TMEM196: variants seen among roughly 807,000 people sequenced by gnomAD.
TMEM196 encodes the protein transmembrane protein 196.
In TMEM196, 17 loss-of-function variants were observed where a neutral mutation model predicts 20.0. The observed-to-expected ratio is 0.85, with a 90% CI of 0.58 to 1.27. TMEM196 has a LOEUF of 1.27. TMEM196 is among the 50% of genes most tolerant of loss of function. The probability of loss-of-function intolerance (pLI) is 0.00; values close to 1 mark genes in which losing one functional copy is unlikely to be tolerated. For missense variants in TMEM196, 267 were observed against 223.0 expected, an observed-to-expected ratio of 1.20 and a Z score of -1.26; for synonymous variants, 113 against 88.9, an observed-to-expected ratio of 1.27 and a Z score of -1.52.
intron 1 of TMEM196, among the ~76,000 whole-genome samples, chr7:19,737,128 A>G (rs191532551): frequency 1.3e-5 from 2 of 152,172 alleles, no homozygotes; most frequent in Non-Finnish European, 2.9e-5. Context: ...TAAGAAAACA[A>G]ACAACTGAAT....
At chr7:19,734,675 G>A (rs1784335438) in intron 1 of TMEM196, among the ~76,000 whole-genome samples, 1 of 152,180 alleles carries the variant, frequency 6.6e-6, no homozygotes, top group African/African-American at 2.4e-5. Context: ...TCTGGGCACT[G>A]GAGAGGACAA....
intron 1 of TMEM196, among the ~76,000 whole-genome samples, chr7:19,733,673 A>T (rs1031657520): frequency 1.3e-5 from 2 of 152,088 alleles, no homozygotes; most frequent in Non-Finnish European, 2.9e-5. Context: ...AAAAAAAAAA[A>T]AATACAGAGG....
intron 3 of TMEM196, among the ~76,000 whole-genome samples, chr7:19,725,029 A>T (rs1352505185): frequency 6.6e-6 from 1 of 152,228 alleles, no homozygotes; most frequent in Non-Finnish European, 1.5e-5. Flanking sequence ...GAAGCTTTAT[A>T]TGGACTGTAA....
chr7:19,729,042 T>C (rs1784098146), intron 2 of TMEM196, among the ~76,000 whole-genome samples: 2 of 152,228 alleles, frequency 1.3e-5, no homozygotes, highest in Admixed American at 1.3e-4. Flanking sequence ...GCTGAAGCTT[T>C]ATCTACTTGA....
At chr7:19,729,568 A>G in intron 1 of TMEM196, 130 bp from the exon 2 acceptor site, 1 of 789,670 alleles carries the variant, frequency 1.3e-6, no homozygotes, top group Non-Finnish European at 2.0e-6. Flanking sequence ...CAAAACCTGG[A>G]GAGGATAAGA....
rs1409505336 is a variant in TMEM196, at chr7:19,719,696, C to T, written c.*2432G>A. Reference sequence around the variant, plus strand: ...AAGCACTTGAACAATGTCTTCCTAACATCCCCCACTTATCTAAAAAAGAAT... The same window carrying T: ...AAGCACTTGAACAATGTCTTCCTAATATCCCCCACTTATCTAAAAAAGAAT... On this transcript the variant is annotated 3_prime_UTR_variant, in exon 5 of 5. Coordinates refer to ENST00000405844, the MANE Select transcript of TMEM196 (RefSeq NM_001363562.2). The T allele has an allele frequency of 3.9e-5, 6 of 152,092 alleles. No individual in the cohort carries two copies. Among genetic ancestry groups the T allele is most frequent in the African/African-American group, 1.2e-4 (5 of 41,434 alleles). The allele number at this position is 152,092 out of a possible 1,614,324, so 9.4% of individuals were successfully genotyped here.
At chr7:19,730,049 G>GA (rs1784142346) in intron 1 of TMEM196, among the ~76,000 whole-genome samples, 2 of 152,102 alleles carry the variant, frequency 1.3e-5, no homozygotes, top group Admixed American at 6.6e-5. Flanking sequence ...AAGGTCAGGA[G>GA]ATCGAGACCA....
In TMEM196 at chr7:19,721,216, G is replaced by A. The variant is rs918562965; in HGVS notation, c.*912C>T. The stretch of plus-strand genomic sequence containing the variant: ...GGGCATAGAAGGGCCTTGAGCAATT[G>A]CCTTCCCATTTCTATTGGAGTAGAA... On this transcript the variant is annotated 3_prime_UTR_variant, in exon 5 of 5. Coordinates refer to ENST00000405844, the MANE Select transcript of TMEM196 (RefSeq NM_001363562.2). The A allele has an allele frequency of 2.6e-5, 4 of 151,914 alleles. No individual in the cohort carries two copies. The highest frequency in any genetic ancestry group is 9.6e-5 in the African/African-American group (4 of 41,520). The allele number at this position is 151,914 out of a possible 1,614,324, so 9.4% of individuals were successfully genotyped here. A position where few individuals can be genotyped will look rare whatever the true frequency, so the allele number is the denominator to read the frequency against.
chr7:19,729,271 GC>G, intron 2 of TMEM196, 110 bp downstream of exon 2: 1 of 363,454 alleles, frequency 2.8e-6, no homozygotes, highest in Non-Finnish European at 3.9e-6. Flanking sequence ...TTTTTTTTTT[GC>G]CTCAAACTAG....
intron 4 of TMEM196, among the ~76,000 whole-genome samples, chr7:19,722,700 C>T (rs550319675): frequency 7.6e-4 from 115 of 152,186 alleles, no homozygotes; most frequent in African/African-American, 2.7e-3. Context: ...AGTCTCTTAA[C>T]ATGTTTTTAA....
chr7:19,735,656 A>C (rs1208296414), intron 1 of TMEM196, among the ~76,000 whole-genome samples: 1 of 152,164 alleles, frequency 6.6e-6, no homozygotes, highest in Non-Finnish European at 1.5e-5. Context: ...AAGCAGATAT[A>C]AGCAATGGTT....
intron 1 of TMEM196, among the ~76,000 whole-genome samples, chr7:19,736,402 A>ATATATATAT (rs1784410728): frequency 8.9e-5 from 7 of 78,362 alleles, no homozygotes; most frequent in South Asian, 4.1e-4. Context: ...TATATATATA[A>ATATATATAT]ATTATCTCTG....
At chr7:19,723,482 C>CA (rs990800373) in intron 4 of TMEM196, among the ~76,000 whole-genome samples, 1 of 151,816 alleles carries the variant, frequency 6.6e-6, no homozygotes, top group African/African-American at 2.4e-5. Context: ...TAAAATGTTA[C>CA]AAAAAAAGAA....
intron 1 of TMEM196, among the ~76,000 whole-genome samples, chr7:19,772,085 A>G (rs138102856): frequency 1.8e-4 from 27 of 152,292 alleles, no homozygotes; most frequent in African/African-American, 6.0e-4. Flanking sequence ...ATTATTGCCC[A>G]GGGATAAATG....
Position 19,772,641 on chromosome 7 carries a change from A to G in TMEM196, c.56T>C (p.Ile19Thr). The G allele has an allele frequency of 1.3e-6, 2 of 1,546,636 alleles. No individual in the cohort carries two copies. The highest frequency in any genetic ancestry group is 1.7e-6 in the Non-Finnish European group (2 of 1,145,398). ...GGCCACGCTGGACACCCCCAGCCCT[A>G]TCTCCAGCACGGAGAGCACCAAGAG... ...GSLLVLSVLE[I>T]GLGVSSVAVG... The change falls in exon 1 of 5, where the codon ATA (isoleucine) becomes ACA (threonine). Residue 19 changes from isoleucine to threonine, a missense_variant. Physicochemically the swap from Ile to Thr is moderately conservative, Grantham distance 89. Coordinates refer to ENST00000405844, the MANE Select transcript of TMEM196 (RefSeq NM_001363562.2).
chr7:19,725,984 A>G (rs1400845289), intron 2 of TMEM196, among the ~76,000 whole-genome samples: 5 of 152,144 alleles, frequency 3.3e-5, no homozygotes, highest in Non-Finnish European at 4.4e-5. Context: ...GGAGTATACC[A>G]CAGTGTTTCA....
chr7:19,768,584 G>T (rs2128040773), intron 1 of TMEM196, among the ~76,000 whole-genome samples: 1 of 152,166 alleles, frequency 6.6e-6, no homozygotes, highest in South Asian at 2.1e-4. Flanking sequence ...TAATTCACAT[G>T]ACTATATCTT....
At chr7:19,771,309 G>C (rs190750723) in intron 1 of TMEM196, among the ~76,000 whole-genome samples, 1 of 152,198 alleles carries the variant, frequency 6.6e-6, no homozygotes, top group East Asian at 1.9e-4. Context: ...AGGATTCTTG[G>C]ATGAATTCAA....
chr7:19,762,648 A>C (rs1785482360), intron 1 of TMEM196, among the ~76,000 whole-genome samples: 1 of 152,194 alleles, frequency 6.6e-6, no homozygotes, highest in African/African-American at 2.4e-5. Context: ...GACAACATTC[A>C]GATATAAAGC....
Sources: allele counts gnomAD v4.1 joint callset (sites outside exome capture counted in the v4.1 genomes callset), GRCh38; gene constraint gnomAD v4.1.1; transcripts MANE v1.5; gene names NCBI Gene and HGNC (gene_info 2026-07-23, HGNC 2026-07-21).